The following C12orf56 variants were observed in gnomAD, a reference collection of about 807,000 sequenced individuals.
The protein encoded by C12orf56 is chromosome 12 open reading frame 56, also known as uncharacterized protein C12orf56.
Under a neutral mutation model 69.9 loss-of-function variants are expected in C12orf56, and 71 were observed. That is an observed-to-expected ratio of 1.02 (90% confidence interval 0.84 to 1.24). The LOEUF is 1.24. C12orf56 is among the 50% of genes most tolerant of loss of function. C12orf56 has a pLI of 0.00. For missense variants in C12orf56, 732 were observed against 738.5 expected, an observed-to-expected ratio of 0.99 and a Z score of 0.10; for synonymous variants, 276 against 274.1, an observed-to-expected ratio of 1.01 and a Z score of -0.07.
intron 1 of C12orf56, among the ~76,000 whole-genome samples, chr12:64,354,236 G>A (rs564707832): frequency 1.2e-3 from 184 of 152,294 alleles, no homozygotes; most frequent in African/African-American, 4.1e-3. Context: ...CTCTGCAACA[G>A]CCTACTTCAC....
At chr12:64,304,445 C>T (rs759576325) in intron 5 of C12orf56, among the ~76,000 whole-genome samples, 50 of 152,190 alleles carry the variant, frequency 3.3e-4, no homozygotes, top group Non-Finnish European at 6.2e-4. Flanking sequence ...GTGTCTTCCA[C>T]ACCTAAGGAA....
chr12:64,326,264 A>C (rs1031930481), intron 3 of C12orf56, among the ~76,000 whole-genome samples: 8 of 152,256 alleles, frequency 5.3e-5, no homozygotes, highest in Middle Eastern at 6.8e-3. Context: ...TCATGGGGAG[A>C]TATATATGAT....
chr12:64,283,801 G>A (rs1307157130), intron 8 of C12orf56, among the ~76,000 whole-genome samples: 2 of 151,990 alleles, frequency 1.3e-5, no homozygotes, highest in Non-Finnish European at 1.5e-5. Context: ...AAAAAACCTA[G>A]GTCCCTGGCT....
chr12:64,372,978 C>T (rs1309179413), intron 1 of C12orf56, among the ~76,000 whole-genome samples: 4 of 152,180 alleles, frequency 2.6e-5, no homozygotes, highest in East Asian at 1.9e-4. Flanking sequence ...ACTTTACCTG[C>T]GTCATGCCCT....
At chr12:64,382,025 G>C (rs1413246866) in intron 1 of C12orf56, among the ~76,000 whole-genome samples, 1 of 152,104 alleles carries the variant, frequency 6.6e-6, no homozygotes, top group African/African-American at 2.4e-5. Context: ...ACTTTGGGAG[G>C]TCAAGGTGGG....
rs186887327 is a variant in C12orf56, at chr12:64,364,145, T to A, written c.253-11089A>T. ...CTGGGCAACATGGGGAAACTCTGTG[T>A]CTACTAAAAATACAAAAATTAGGCG... On this transcript the variant is annotated intron_variant, in intron 1 of 12. Coordinates refer to ENST00000543942, the MANE Select transcript of C12orf56 (RefSeq NM_001170633.2). 7.9e-5 allele frequency among the ~76,000 whole-genome samples: 12 copies of A among 152,126 alleles called. No individual in the cohort carries two copies. In the East Asian group the frequency reaches 2.1e-3, roughly 27 times the overall value.
intron 5 of C12orf56, among the ~76,000 whole-genome samples, chr12:64,306,575 C>T (rs1020010752): frequency 3.3e-5 from 5 of 152,176 alleles, no homozygotes; most frequent in South Asian, 2.1e-4. Flanking sequence ...TGCCCTGTTG[C>T]TCAGGCTGGT....
intron 1 of C12orf56, among the ~76,000 whole-genome samples, chr12:64,355,181 A>G (rs1342292417): frequency 2.0e-5 from 3 of 151,872 alleles, no homozygotes; most frequent in Admixed American, 1.3e-4. Flanking sequence ...TCCTGTGATC[A>G]TGCAGTTTCA....
At chr12:64,382,683 G>A (rs2039735168) in intron 1 of C12orf56, among the ~76,000 whole-genome samples, 1 of 151,222 alleles carries the variant, frequency 6.6e-6, no homozygotes, top group Admixed American at 6.6e-5. Flanking sequence ...AACCATCCTG[G>A]CTAACATGGT....
intron 2 of C12orf56, among the ~76,000 whole-genome samples, chr12:64,341,475 A>G (rs947689418): frequency 2.0e-5 from 3 of 152,188 alleles, no homozygotes; most frequent in African/African-American, 4.8e-5. Flanking sequence ...CCACCATTCT[A>G]TCAATCCAGC....
At chr12:64,329,060 G>A (rs887105207) in intron 3 of C12orf56, among the ~76,000 whole-genome samples, 2 of 150,188 alleles carry the variant, frequency 1.3e-5, no homozygotes, top group Non-Finnish European at 3.0e-5. Context: ...GCGAGACTCA[G>A]TCTCAAAAAA....
chr12:64,327,780 G>GT (rs1256815681), intron 3 of C12orf56, among the ~76,000 whole-genome samples: 1 of 152,166 alleles, frequency 6.6e-6, no homozygotes, highest in Non-Finnish European at 1.5e-5. Context: ...TTCTGTCTTA[G>GT]TTTTTTTGAT....
At chr12:64,388,010 C>T (rs1370285816) in intron 1 of C12orf56, among the ~76,000 whole-genome samples, 3 of 152,148 alleles carry the variant, frequency 2.0e-5, no homozygotes, top group Admixed American at 2.0e-4. Context: ...GCTCCTGTTG[C>T]CCAGTCTGGA....
intron 5 of C12orf56, among the ~76,000 whole-genome samples, chr12:64,311,740 A>G (rs558281676): frequency 1.3e-5 from 2 of 152,304 alleles, no homozygotes; most frequent in South Asian, 4.1e-4. Context: ...GATGTCATAC[A>G]TATTTTTTGT....
intron 8 of C12orf56, among the ~76,000 whole-genome samples, chr12:64,283,233 A>C (rs2038154965): frequency 6.6e-6 from 1 of 152,178 alleles, no homozygotes. Context: ...AATCCCAGCT[A>C]CTTGGGAGGC....
chr12:64,379,725 G>A (rs2135982840), intron 1 of C12orf56, among the ~76,000 whole-genome samples: 1 of 151,958 alleles, frequency 6.6e-6, no homozygotes, highest in Admixed American at 6.6e-5. Flanking sequence ...AAAGAAGAAA[G>A]CTGGAAAAGA....
intron 9 of C12orf56, among the ~76,000 whole-genome samples, chr12:64,276,525 A>G (rs1490617715): frequency 6.6e-6 from 1 of 152,184 alleles, no homozygotes; most frequent in African/African-American, 2.4e-5. Context: ...TGAAAGTGGT[A>G]TTGGAGACTC....
intron 6 of C12orf56, among the ~76,000 whole-genome samples, chr12:64,295,643 C>T (rs1274754061): frequency 1.3e-5 from 2 of 150,900 alleles, no homozygotes; most frequent in Non-Finnish European, 2.9e-5. Flanking sequence ...TGCACTTCAG[C>T]GTAGGTGACA....
At chr12:64,303,550 C>T (rs2038474228) in intron 6 of C12orf56, 85 bp downstream of exon 6, 2 of 1,135,392 alleles carry the variant, frequency 1.8e-6, no homozygotes, top group African/African-American at 1.6e-5. Context: ...TACAAGACAA[C>T]TCTTATTTAT....
Sources: allele counts gnomAD v4.1 joint callset (sites outside exome capture counted in the v4.1 genomes callset), GRCh38; gene constraint gnomAD v4.1.1; transcripts MANE v1.5; gene names NCBI Gene and HGNC (gene_info 2026-07-23, HGNC 2026-07-21).